Variants in CLCN3 observed in about 807,000 individuals in gnomAD.
CLCN3 encodes the protein H(+)/Cl(-) exchange transporter 3.
CLCN3 carries 16 observed loss-of-function variants against 83.4 expected under a neutral mutation model. The ratio of observed to expected loss-of-function variants is 0.19; its 90% CI spans 0.13 to 0.29. The LOEUF is 0.29. CLCN3 is among the 10% of genes least tolerant of loss of function. The probability of loss-of-function intolerance (pLI) is 1.00; values close to 1 mark genes in which losing one functional copy is unlikely to be tolerated. For synonymous variants in CLCN3, 322 were observed against 346.2 expected, an observed-to-expected ratio of 0.93 and a Z score of 0.78; for missense variants, 544 against 1,006.0, an observed-to-expected ratio of 0.54 and a Z score of 6.21.
intron 2 of CLCN3, 26 bp downstream of exon 2, chr4:169,636,114 T>A (rs752569357): frequency 6.3e-7 from 1 of 1,585,836 alleles, no homozygotes; most frequent in Non-Finnish European, 8.6e-7. Context: ...CAGCCTAATG[T>A]TTGTATTCAT....
At chr4:169,719,589 G>A (rs1319746566) in intron 12 of CLCN3, among the ~76,000 whole-genome samples, 2 of 151,864 alleles carry the variant, frequency 1.3e-5, no homozygotes, top group African/African-American at 4.8e-5. Context: ...TCATTTCCTA[G>A]TCATACATCC....
intron 1 of CLCN3, among the ~76,000 whole-genome samples, chr4:169,626,426 G>A (rs1560824197): frequency 6.6e-6 from 1 of 152,220 alleles, no homozygotes. Context: ...AAAAGAGTAT[G>A]ACCTAACAGC....
At chr4:169,626,794 A>T (rs555442267) in intron 1 of CLCN3, among the ~76,000 whole-genome samples, 1 of 152,352 alleles carries the variant, frequency 6.6e-6, no homozygotes, top group Admixed American at 6.5e-5. Context: ...CCTGGCCAAC[A>T]TAGTGAAATC....
In CLCN3 at chr4:169,677,074, A is replaced by C. The variant is rs530882409; in HGVS notation, c.161-2976A>C. ...ATATAGGTAACATGACTAGAATTGT[A>C]GTCAAAGAATATTGGAACCTTGGAA... On this transcript the variant is annotated intron_variant, in intron 2 of 12. Coordinates refer to ENST00000513761, the MANE Select transcript of CLCN3 (RefSeq NM_001829.4). Among the ~76,000 whole-genome samples, 94 of 152,168 alleles carry C rather than the reference A, an allele frequency of 6.2e-4. 1 individual carries two copies. In the South Asian group the frequency reaches 0.014, roughly 22 times the overall value.
rs1477058642 is a variant in CLCN3 at position 169,620,809 on chromosome 4, C to A, written c.-271C>A. 1 of 398,504 alleles carries A rather than the reference C, an allele frequency of 2.5e-6. No individual in the cohort carries two copies. Among genetic ancestry groups the A allele is most frequent in the Non-Finnish European group, 4.4e-6 (1 of 226,086 alleles). 24.7% of individuals were successfully genotyped at this position (398,504 alleles called of 1,614,324 possible). On this transcript the variant is annotated 5_prime_UTR_variant, in exon 1 of 13. Coordinates refer to ENST00000513761, the MANE Select transcript of CLCN3 (RefSeq NM_001829.4). ...GCAGAAGCAGGTTGACTCTAGGGAT[C>A]TCCAGAGCGAGAGGATTTAACTTCA...
intron 2 of CLCN3, 46 bp downstream of exon 2, chr4:169,636,134 CTAA>C (rs1773495772): frequency 6.6e-7 from 1 of 1,507,468 alleles, no homozygotes; most frequent in African/African-American, 1.4e-5. Flanking sequence ...TGAATATCCA[CTAA>C]TAAATATGTA....
intron 1 of CLCN3, among the ~76,000 whole-genome samples, chr4:169,627,732 G>A (rs1268502748): frequency 6.6e-6 from 1 of 152,038 alleles, no homozygotes; most frequent in Non-Finnish European, 1.5e-5. Context: ...ACAACATCAA[G>A]GAAGACATGT....
chr4:169,642,422 G>A (rs1382760914), intron 2 of CLCN3, among the ~76,000 whole-genome samples: 1 of 152,178 alleles, frequency 6.6e-6, no homozygotes, highest in Non-Finnish European at 1.5e-5. Flanking sequence ...GTGTTTACTA[G>A]CTAGTGTATG....
chr4:169,658,948 T>G (rs1730964527), intron 2 of CLCN3, among the ~76,000 whole-genome samples: 1 of 152,068 alleles, frequency 6.6e-6, no homozygotes, highest in Admixed American at 6.6e-5. Context: ...TAAGTAAAAT[T>G]TAGTACTCCA....
intron 1 of CLCN3, among the ~76,000 whole-genome samples, chr4:169,626,282 C>T (rs1408113523): frequency 2.6e-5 from 4 of 152,174 alleles, no homozygotes; most frequent in African/African-American, 9.7e-5. Context: ...CCATGCCTTC[C>T]CATGGTGCGC....
At chr4:169,644,041 A>C (rs1730499642) in intron 2 of CLCN3, among the ~76,000 whole-genome samples, 1 of 152,208 alleles carries the variant, frequency 6.6e-6, no homozygotes, top group Non-Finnish European at 1.5e-5. Context: ...TCAAATATTC[A>C]GATAAGTGCT....
At chr4:169,689,482 A>C (rs1485692818) in intron 5 of CLCN3, among the ~76,000 whole-genome samples, 1 of 152,228 alleles carries the variant, frequency 6.6e-6, no homozygotes, top group Non-Finnish European at 1.5e-5. Context: ...GTAGAAAAGA[A>C]GTGATAGTTA....
intron 2 of CLCN3, among the ~76,000 whole-genome samples, chr4:169,671,969 T>TG (rs1451845921): frequency 1.3e-5 from 2 of 152,052 alleles, no homozygotes. Flanking sequence ...CCCGACACTT[T>TG]GGGAGGCCGA....
intron 8 of CLCN3, 59 bp downstream of exon 8, chr4:169,695,751 C>G (rs1197958839): frequency 1.7e-6 from 2 of 1,198,486 alleles, no homozygotes; most frequent in East Asian, 4.9e-5. Context: ...AAATATATTT[C>G]ACACATTTCA....
At chr4:169,639,700 A>C (rs938125749) in intron 2 of CLCN3, among the ~76,000 whole-genome samples, 1 of 152,160 alleles carries the variant, frequency 6.6e-6, no homozygotes, top group African/African-American at 2.4e-5. Context: ...ACTATGGGTT[A>C]AGGCAGATTT....
At position 169,687,714 on chromosome 4, in the gene CLCN3, G is replaced by A. The variant is rs767497837; in HGVS notation, c.375G>A (p.Ala125=). The change falls in exon 4 of 13, where the codon GCG becomes GCA. Residue 125 remains alanine, a synonymous_variant. Coordinates refer to ENST00000513761, the MANE Select transcript of CLCN3 (RefSeq NM_001829.4). ...AAATGACAAAAAGTTTGTATGATGC[G>A]TGGTCAGGATGGCTAGTAGTAACAC... ...AWEMTKSLYD[A]WSGWLVVTLT... The A allele has an allele frequency of 7.5e-6, 12 of 1,607,836 alleles. No homozygotes were observed. Among genetic ancestry groups the A allele is most frequent in the Admixed American group, 6.7e-5 (4 of 59,400 alleles).
In CLCN3 at chr4:169,711,105, T is replaced by C. The variant is rs369594165; in HGVS notation, c.2150-1974T>C. The stretch of plus-strand genomic sequence containing the variant: ...TATGAATTTGACTATATATTTCTTA[T>C]AACAACTTAACTTCAGTTGCTTACA... On this transcript the variant is annotated intron_variant, in intron 11 of 12. Coordinates refer to ENST00000513761, the MANE Select transcript of CLCN3 (RefSeq NM_001829.4). 7.6e-4 allele frequency among the ~76,000 whole-genome samples: 116 copies of C among 152,348 alleles called. 4 individuals are homozygous for C. The South Asian group carries it at 0.023, about 30-fold the overall frequency.
At chr4:169,665,212 A>T (rs961520689) in intron 2 of CLCN3, among the ~76,000 whole-genome samples, 1 of 152,170 alleles carries the variant, frequency 6.6e-6, no homozygotes, top group Non-Finnish European at 1.5e-5. Context: ...CTAACTAAGG[A>T]TGTGGCTTTT....
At chr4:169,717,880 A>G (rs1366563644) in intron 12 of CLCN3, 1 of 1,572,640 alleles carries the variant, frequency 6.4e-7, no homozygotes, top group Non-Finnish European at 8.8e-7. Flanking sequence ...GATTAGATAT[A>G]TCAGATCTCC....
Sources: gnomAD v4.1 joint callset for allele counts (sites outside exome capture counted in the v4.1 genomes callset) on GRCh38, gnomAD v4.1.1 for gene constraint, MANE v1.5 for transcripts, NCBI Gene and HGNC (gene_info 2026-07-23, HGNC 2026-07-21) for gene names.